GRIA4: variants seen among roughly 807,000 people sequenced by gnomAD.
GRIA4 encodes the protein glutamate ionotropic receptor AMPA type subunit 4.
In GRIA4, 34 loss-of-function variants were observed where a neutral mutation model predicts 104.0. The observed-to-expected ratio is 0.33, with a 90% CI of 0.25 to 0.44. GRIA4 has a LOEUF of 0.44. Ranked by LOEUF, GRIA4 falls within the 20% of genes least tolerant of loss-of-function variation. The pLI, the probability that GRIA4 is intolerant of heterozygous loss-of-function variation, is 1.00. For missense variants in GRIA4, 750 were observed against 1,096.5 expected (o/e 0.68, Z 4.46); for synonymous variants, 386 against 381.9 (o/e 1.01, Z -0.13).
intron 5 of GRIA4, among the ~76,000 whole-genome samples, chr11:105,882,183 A>G (rs1382250796): frequency 6.6e-6 from 1 of 152,154 alleles, no homozygotes; most frequent in Non-Finnish European, 1.5e-5. Flanking sequence ...ACCTCTGAAT[A>G]TGTTGTGCCA....
chr11:105,694,000 T>C (rs1029915871), intron 3 of GRIA4, among the ~76,000 whole-genome samples: 2 of 152,198 alleles, frequency 1.3e-5, no homozygotes, highest in African/African-American at 2.4e-5. Context: ...ATGGTAATTA[T>C]TTTTAATTCT....
chr11:105,830,651 T>C (rs2135931416), intron 4 of GRIA4, among the ~76,000 whole-genome samples: 1 of 152,146 alleles, frequency 6.6e-6, no homozygotes, highest in South Asian at 2.1e-4. Context: ...TGTTTGAAGC[T>C]TCTCAGTCAT....
intron 5 of GRIA4, among the ~76,000 whole-genome samples, chr11:105,863,343 A>G (rs1397882366): frequency 6.6e-6 from 1 of 152,060 alleles, no homozygotes; most frequent in Non-Finnish European, 1.5e-5. Context: ...ATAAGAGGAA[A>G]TAACAGAGTA....
chr11:105,696,403 T>C (rs1953279623), intron 3 of GRIA4, among the ~76,000 whole-genome samples: 1 of 152,192 alleles, frequency 6.6e-6, no homozygotes, highest in South Asian at 2.1e-4. Context: ...AATAAAACCT[T>C]AATAAATATT....
At chr11:105,688,152 A>AATCTC (rs1555101448) in intron 3 of GRIA4, among the ~76,000 whole-genome samples, 2 of 70,656 alleles carry the variant, frequency 2.8e-5, no homozygotes, top group African/African-American at 9.5e-5. Context: ...ATCTATATCT[A>AATCTC]TATCTCTATC....
chr11:105,799,258 C>A (rs559091876), intron 4 of GRIA4, among the ~76,000 whole-genome samples: 1 of 152,204 alleles, frequency 6.6e-6, no homozygotes, highest in South Asian at 2.1e-4. Flanking sequence ...GCATGGTGAT[C>A]ACTGGTGACC....
intron 3 of GRIA4, among the ~76,000 whole-genome samples, chr11:105,632,425 A>T (rs1276634274): frequency 6.6e-6 from 1 of 152,162 alleles, no homozygotes; most frequent in Non-Finnish European, 1.5e-5. Flanking sequence ...AAACACTTCC[A>T]TTCTTCCAAA....
intron 6 of GRIA4, among the ~76,000 whole-genome samples, chr11:105,892,886 G>A (rs1258520565): frequency 6.6e-6 from 1 of 151,972 alleles, no homozygotes; most frequent in Non-Finnish European, 1.5e-5. Flanking sequence ...GTCAACCTAC[G>A]AAACTGAAAT....
intron 11 of GRIA4, among the ~76,000 whole-genome samples, chr11:105,919,673 C>A (rs1417113256): frequency 6.6e-6 from 1 of 152,118 alleles, no homozygotes; most frequent in African/African-American, 2.4e-5. Context: ...TCTTCAGCTA[C>A]CACTGTAAAT....
At chr11:105,832,895 T>A (rs1336088279) in intron 4 of GRIA4, among the ~76,000 whole-genome samples, 1 of 152,072 alleles carries the variant, frequency 6.6e-6, no homozygotes, top group African/African-American at 2.4e-5. Flanking sequence ...ATTGGTGATC[T>A]CTGCCTTGAG....
chr11:105,696,821 G>A (rs1391606316), intron 3 of GRIA4, among the ~76,000 whole-genome samples: 2 of 151,698 alleles, frequency 1.3e-5, no homozygotes, highest in East Asian at 1.9e-4. Flanking sequence ...CTGGAGTGCA[G>A]TGGTGTGATC....
chr11:105,696,240 C>G (rs2097491842), intron 3 of GRIA4, among the ~76,000 whole-genome samples: 1 of 152,272 alleles, frequency 6.6e-6, no homozygotes, highest in South Asian at 2.1e-4. Context: ...CGTACTTGAC[C>G]TTGGCTCACA....
chr11:105,804,330 T>A (rs531738858), intron 4 of GRIA4, among the ~76,000 whole-genome samples: 6 of 145,834 alleles, frequency 4.1e-5, no homozygotes, highest in African/African-American at 7.7e-5. Context: ...TGCTTCCAAT[T>A]TATTAAAACA....
intron 14 of GRIA4, among the ~76,000 whole-genome samples, chr11:105,968,983 AT>A (rs1858540286): frequency 6.6e-6 from 1 of 152,122 alleles, no homozygotes; most frequent in Middle Eastern, 3.2e-3. Flanking sequence ...TTACAAAATT[AT>A]TTTTTCTGTT....
intron 16 of GRIA4, among the ~76,000 whole-genome samples, chr11:105,976,419 A>G (rs1191877457): frequency 6.6e-6 from 1 of 152,046 alleles, no homozygotes; most frequent in Admixed American, 6.6e-5. Context: ...TGGAGTCACA[A>G]CTTGAAATTG....
At chr11:105,775,561 G>A (rs970225160) in intron 4 of GRIA4, among the ~76,000 whole-genome samples, 1 of 151,806 alleles carries the variant, frequency 6.6e-6, no homozygotes, top group African/African-American at 2.4e-5. Flanking sequence ...GCAAATGACA[G>A]CTAGGAAAAA....
chr11:105,841,535 GT>G (rs566843439), intron 4 of GRIA4, among the ~76,000 whole-genome samples: 13 of 150,974 alleles, frequency 8.6e-5, no homozygotes, highest in South Asian at 4.2e-4. Context: ...GGGAAGCTGG[GT>G]TTTTTTTTCA....
At chr11:105,846,584 A>G (rs1944605360) in intron 4 of GRIA4, among the ~76,000 whole-genome samples, 1 of 152,166 alleles carries the variant, frequency 6.6e-6, no homozygotes, top group South Asian at 2.1e-4. Context: ...ACAAGGAAAA[A>G]ACAACTTGCA....
intron 3 of GRIA4, among the ~76,000 whole-genome samples, chr11:105,688,138 CTATATCTATATCTATATCTCTA>C (rs1182618184): frequency 1.0e-4 from 8 of 77,802 alleles, no homozygotes; most frequent in African/African-American, 2.4e-4. Context: ...ATATCTATAT[CTATATCTATATCTATATCTCTA>C]TCTATCTATC....
Sources: allele counts gnomAD v4.1 joint callset (sites outside exome capture counted in the v4.1 genomes callset), GRCh38; gene constraint gnomAD v4.1.1; transcripts MANE v1.5; gene names NCBI Gene and HGNC (gene_info 2026-07-23, HGNC 2026-07-21).